Variants in TDRD12 observed in about 807,000 individuals in gnomAD.
TDRD12 encodes the protein putative ATP-dependent RNA helicase TDRD12.
Under a neutral mutation model 133.5 loss-of-function variants are expected in TDRD12, and 158 were observed. That is an observed-to-expected ratio of 1.18 (90% CI 1.04 to 1.35). The LOEUF is 1.35. TDRD12 is among the 40% of genes most tolerant of loss of function. The probability of loss-of-function intolerance (pLI) is 0.00; values close to 1 mark genes in which losing one functional copy is unlikely to be tolerated. For missense variants in TDRD12, 1,443 were observed against 1,321.3 expected, an observed-to-expected ratio of 1.09 and a Z score of -1.43; for synonymous variants, 460 against 477.9, an observed-to-expected ratio of 0.96 and a Z score of 0.49.
intron 8 of TDRD12, among the ~76,000 whole-genome samples, chr19:32,763,724 A>G (rs1443016935): frequency 6.6e-6 from 1 of 152,202 alleles, no homozygotes; most frequent in Non-Finnish European, 1.5e-5. Context: ...CTGACCCCGG[A>G]GTTTTAACTA....
chr19:32,773,533 G>T lies in TDRD12; in HGVS notation c.1040+1G>T. ...CTGATCCAGATGTACCAGAAGCAAG[G>T]TATGATTTGAAAATTCAAACTGGGT... On this transcript the variant is annotated splice_donor_variant, in intron 10 of 27. Coordinates refer to ENST00000444215, the Ensembl canonical transcript of TDRD12. LOFTEE classifies it high-confidence loss of function. 1 of 1,551,500 alleles carries T rather than the reference G, an allele frequency of 6.4e-7. No individual in the cohort carries two copies. The highest frequency in any genetic ancestry group is 8.7e-7 in the Non-Finnish European group (1 of 1,146,860).
At chr19:32,738,821 A>G in intron 2 of TDRD12, 35 bp from the exon 3 acceptor site, 1 of 1,544,148 alleles carries the variant, frequency 6.5e-7, no homozygotes, top group Non-Finnish European at 8.7e-7. Flanking sequence ...TCAAAAAAAT[A>G]AATAAATAAA....
intron 5 of TDRD12, 90 bp downstream of exon 5, chr19:32,748,621 C>T: frequency 7.3e-7 from 1 of 1,362,000 alleles, no homozygotes; most frequent in Non-Finnish European, 1.0e-6. Context: ...GGAGATGCCC[C>T]TGTTGGCCAA....
At chr19:32,743,182 C>G (rs1054914030) in intron 4 of TDRD12, among the ~76,000 whole-genome samples, 3 of 152,236 alleles carry the variant, frequency 2.0e-5, no homozygotes, top group African/African-American at 7.2e-5. Flanking sequence ...GAGTATTATA[C>G]ATGTGTACAC....
In TDRD12 at chr19:32,798,299, TAAATGCA is replaced by T; in HGVS notation, c.1631-8_1631-2del. ...AATTGAAAATGTTCACTTTTTTTTT[TAAATGCA>T]GGTGATGTGATTGTTACGACCCCAT... On this transcript the variant is annotated splice_acceptor_variant and splice_polypyrimidine_tract_variant and intron_variant, in intron 15 of 27. Coordinates refer to ENST00000444215, the Ensembl canonical transcript of TDRD12. LOFTEE classifies it high-confidence loss of function. The T allele has an allele frequency of 1.3e-6, 2 of 1,512,674 alleles. No individual in the cohort carries two copies. Among genetic ancestry groups the T allele is most frequent in the Admixed American group, 2.0e-5 (1 of 49,240 alleles). The allele number at this position is 1,512,674 out of a possible 1,614,324, so 93.7% of individuals were successfully genotyped here.
intron 6 of TDRD12, among the ~76,000 whole-genome samples, chr19:32,754,669 C>CTTTT (rs35714049): frequency 2.5e-3 from 178 of 70,010 alleles, no homozygotes; most frequent in Non-Finnish European, 3.2e-3. Context: ...ATGACTCTAT[C>CTTTT]TTTTTTTTTT....
chr19:32,804,326 C>T (rs1347366936), intron 21 of TDRD12, among the ~76,000 whole-genome samples: 1 of 150,948 alleles, frequency 6.6e-6, no homozygotes, highest in Non-Finnish European at 1.5e-5. Context: ...CCCGCCTCGG[C>T]CTCCCAAAGT....
chr19:32,803,045 G>T lies in TDRD12; in HGVS notation c.2455G>T (p.Glu819Ter), dbSNP rs1412429820. ...GCGAGCGGACGCCAAGGTCCCCGCA[G>T]AGCTGTACGAGTTCACCGCAGGAGT... is the stretch of plus-strand genomic sequence containing the variant. The change falls in exon 21 of 28, where the codon GAG (glutamate) becomes TAG (stop). Residue 819 changes from glutamate to a stop codon, truncating the protein, a stop_gained. Coordinates refer to ENST00000444215, the Ensembl canonical transcript of TDRD12. LOFTEE classifies it high-confidence loss of function. The T allele has an allele frequency of 2.8e-5, 43 of 1,535,998 alleles. No homozygotes were observed. The highest frequency in any genetic ancestry group is 3.5e-5 in the Non-Finnish European group (40 of 1,146,918).
intron 14 of TDRD12, among the ~76,000 whole-genome samples, chr19:32,797,011 C>T (rs1971249133): frequency 1.4e-5 from 2 of 145,858 alleles, no homozygotes; most frequent in African/African-American, 2.5e-5. Flanking sequence ...GATGGAGTCT[C>T]GCTCTGTCAC....
At chr19:32,785,469 A>G (rs1039518169) in intron 11 of TDRD12, among the ~76,000 whole-genome samples, 32 of 152,156 alleles carry the variant, frequency 2.1e-4, no homozygotes, top group Admixed American at 1.9e-3. Context: ...GTAGATGTCT[A>G]TTAGGTCTGC....
chr19:32,772,541 A>C (rs1490269775), intron 8 of TDRD12, among the ~76,000 whole-genome samples: 1 of 152,242 alleles, frequency 6.6e-6, no homozygotes, highest in Non-Finnish European at 1.5e-5. Flanking sequence ...GGGAATTTTT[A>C]GAACATTTTA....
At chr19:32,753,670 AT>A (rs61178379) in intron 6 of TDRD12, among the ~76,000 whole-genome samples, 14,128 of 130,330 alleles carry the variant, frequency 0.11, 1,051 homozygotes, top group East Asian at 0.3. Flanking sequence ...CACCTGGCTA[AT>A]TTTTTTTTTT....
intron 16 of TDRD12, 62 bp downstream of exon 16, chr19:32,798,497 G>A (rs1971295278): frequency 2.2e-6 from 3 of 1,383,008 alleles, no homozygotes; most frequent in Non-Finnish European, 2.9e-6. Flanking sequence ...GCTAACTGAT[G>A]GCAGGAAGGA....
chr19:32,795,335 G>GAA (rs35855895), intron 14 of TDRD12, among the ~76,000 whole-genome samples: 4 of 114,270 alleles, frequency 3.5e-5, no homozygotes, highest in East Asian at 2.3e-4. Context: ...CTCCATCTCA[G>GAA]AAAAAAAAAA....
At position 32,812,341 on chromosome 19, in the gene TDRD12, C is replaced by T. The variant is rs142605972; in HGVS notation, c.3048+921C>T. On this transcript the variant is annotated intron_variant, in intron 24 of 27. Coordinates refer to ENST00000444215, the Ensembl canonical transcript of TDRD12. ...CTGGAGCATGAGTCGTGTTGATAAGCGCTCCAGTTCTCCAAGGAAAGGTTA... is the reference window on the plus strand; with the variant it reads ...CTGGAGCATGAGTCGTGTTGATAAGTGCTCCAGTTCTCCAAGGAAAGGTTA... Among the ~76,000 whole-genome samples the T allele has an allele frequency of 5.4e-4, 82 of 152,162 alleles. 1 individual carries two copies. In the East Asian group the frequency reaches 0.014, roughly 25 times the overall value.
intron 1 of TDRD12, among the ~76,000 whole-genome samples, chr19:32,727,773 A>G (rs1250717331): frequency 6.6e-6 from 1 of 152,112 alleles, no homozygotes; most frequent in Non-Finnish European, 1.5e-5. Context: ...GGTTCAAGTG[A>G]TTCTCTTGGC....
At chr19:32,823,387 G>T (rs1007343400), downstream of TDRD12, among the ~76,000 whole-genome samples, 1 of 152,028 alleles carries the variant, frequency 6.6e-6, no homozygotes, top group African/African-American at 2.4e-5. Flanking sequence ...TTTTTTTTGG[G>T]GGGTGGGAGG....
chr19:32,818,103 G>A (rs943386689), exon 27 of TDRD12: 4 of 702,792 alleles, frequency 5.7e-6, no homozygotes, highest in Non-Finnish European at 1.0e-5. Context: ...AGGGTGACAG[G>A]GACCAGTCCT....
At chr19:32,736,443 A>G (rs1969226628) in intron 2 of TDRD12, among the ~76,000 whole-genome samples, 1 of 152,232 alleles carries the variant, frequency 6.6e-6, no homozygotes, top group Non-Finnish European at 1.5e-5. Flanking sequence ...TGGTCACTGA[A>G]GAGCTCTCAT....
Sources: allele counts gnomAD v4.1 joint callset (sites outside exome capture counted in the v4.1 genomes callset), GRCh38; gene constraint gnomAD v4.1.1; transcripts MANE v1.5; gene names NCBI Gene and HGNC (gene_info 2026-07-23, HGNC 2026-07-21).